NTM: variants seen among roughly 807,000 people sequenced by gnomAD.
The protein encoded by NTM is neurotrimin, also known as IgLON family member 2.
NTM carries 13 observed loss-of-function variants against 42.1 expected under a neutral mutation model. The ratio of observed to expected loss-of-function variants is 0.31; its 90% CI spans 0.20 to 0.49. The LOEUF is 0.49. NTM is among the 20% of genes least tolerant of loss of function. The pLI is 0.99. For synonymous variants in NTM, 187 were observed against 179.2 expected, an observed-to-expected ratio of 1.04 and a Z score of -0.35; for missense variants, 373 against 452.8, an observed-to-expected ratio of 0.82 and a Z score of 1.60.
At chr11:131,741,208 A>G (rs1026437013) in intron 1 of NTM, among the ~76,000 whole-genome samples, 2 of 122,488 alleles carry the variant, frequency 1.6e-5, no homozygotes, top group African/African-American at 6.0e-5. Context: ...AGAGAGAGAG[A>G]TGTTTTTTGG....
intron 1 of NTM, among the ~76,000 whole-genome samples, chr11:131,909,083 A>G (rs2054298766): frequency 6.6e-6 from 1 of 152,208 alleles, no homozygotes; most frequent in Admixed American, 6.5e-5. Context: ...CCCAATGATG[A>G]GTTAATGCAA....
At chr11:131,969,060 G>T (rs184305084) in intron 2 of NTM, among the ~76,000 whole-genome samples, 5 of 152,296 alleles carry the variant, frequency 3.3e-5, no homozygotes, top group Non-Finnish European at 7.4e-5. Context: ...TGCAATTCAA[G>T]ATTAAAAACA....
intron 1 of NTM, among the ~76,000 whole-genome samples, chr11:131,600,859 A>G (rs1402013755): frequency 1.3e-5 from 2 of 150,644 alleles, no homozygotes; most frequent in Non-Finnish European, 2.9e-5. Flanking sequence ...TTTTTTTTCC[A>G]TATGAAACCA....
At chr11:131,812,260 T>G (rs926933356) in intron 1 of NTM, among the ~76,000 whole-genome samples, 7 of 149,304 alleles carry the variant, frequency 4.7e-5, no homozygotes, top group African/African-American at 1.7e-4. Flanking sequence ...TATTTTCTCC[T>G]CTAATGAGGC....
At chr11:131,913,129 G>A (rs748716388) in intron 2 of NTM, among the ~76,000 whole-genome samples, 64 of 152,040 alleles carry the variant, frequency 4.2e-4, no homozygotes, top group Non-Finnish European at 7.2e-4. Flanking sequence ...GGATTTCAGG[G>A]GAGTTACAAA....
chr11:132,309,355 T>C (rs192783746), intron 5 of NTM, among the ~76,000 whole-genome samples: 105 of 152,340 alleles, frequency 6.9e-4, no homozygotes, highest in Admixed American at 1.6e-3. Context: ...CTGATCTGTA[T>C]ATCCTTCAGG....
At chr11:131,869,438 G>C (rs778896162) in intron 1 of NTM, among the ~76,000 whole-genome samples, 1 of 152,202 alleles carries the variant, frequency 6.6e-6, no homozygotes, top group Admixed American at 6.5e-5. Context: ...CAATATAAGA[G>C]TGAAGAAGTT....
intron 1 of NTM, among the ~76,000 whole-genome samples, chr11:131,446,377 C>A (rs1226582134): frequency 6.6e-6 from 1 of 152,190 alleles, no homozygotes; most frequent in Non-Finnish European, 1.5e-5. Context: ...CCCTTCCCAG[C>A]TGTTCTTCTC....
At chr11:131,840,659 G>C (rs1245192166) in intron 1 of NTM, among the ~76,000 whole-genome samples, 1 of 152,184 alleles carries the variant, frequency 6.6e-6, no homozygotes, top group African/African-American at 2.4e-5. Flanking sequence ...TTTTAAAGAA[G>C]TGAAATGACC....
Position 132,307,839 on chromosome 11 carries a change from A to G in NTM, c.661+16A>G, listed in dbSNP as rs779364733. 2.6e-5 allele frequency: 42 copies of G among 1,613,130 alleles called. No individual in the cohort carries two copies. In the Admixed American group the frequency reaches 6.5e-4, roughly 25 times the overall value. ...ACCGTGAACTGTAAGTGTTCTCACC[A>G]CCACGCGCCCTGCACGTGCATCAGG... On this transcript the variant is annotated intron_variant, in intron 5 of 8. Transcript: ENST00000683400.
chr11:131,597,869 C>G (rs1396671861), intron 1 of NTM, among the ~76,000 whole-genome samples: 3 of 151,518 alleles, frequency 2.0e-5, no homozygotes, highest in African/African-American at 7.3e-5. Context: ...AAGAATTCAA[C>G]AGAGTCCTTT....
chr11:131,590,743 G>A (rs2059290334), intron 1 of NTM, among the ~76,000 whole-genome samples: 1 of 152,214 alleles, frequency 6.6e-6, no homozygotes, highest in African/African-American at 2.4e-5. Flanking sequence ...CCATCTTGTA[G>A]GTGAGGTAAC....
chr11:131,646,204 G>A (rs1567082), intron 1 of NTM, among the ~76,000 whole-genome samples: 87,657 of 152,032 alleles, frequency 0.58, 25,762 homozygotes, highest in East Asian at 0.78. Context: ...TAAAAACACA[G>A]CCACACTCAT....
intron 1 of NTM, among the ~76,000 whole-genome samples, chr11:131,643,060 A>C (rs918072933): frequency 1.3e-5 from 2 of 152,092 alleles, no homozygotes; most frequent in Non-Finnish European, 2.9e-5. Flanking sequence ...TGAAAAAAAA[A>C]AAAAACTCAG....
chr11:131,794,246 G>C (rs2091296376), intron 1 of NTM, among the ~76,000 whole-genome samples: 2 of 152,132 alleles, frequency 1.3e-5, no homozygotes, highest in African/African-American at 4.8e-5. Context: ...CACCTCCCCT[G>C]TGAGCAGTCA....
At chr11:131,951,877 G>A (rs2061036485) in intron 2 of NTM, among the ~76,000 whole-genome samples, 2 of 149,572 alleles carry the variant, frequency 1.3e-5, no homozygotes, top group Non-Finnish European at 1.5e-5. Flanking sequence ...CACCTCATAG[G>A]CCACAGAAGA....
intron 2 of NTM, among the ~76,000 whole-genome samples, chr11:132,120,037 C>G (rs1371459435): frequency 1.3e-5 from 2 of 152,212 alleles, no homozygotes; most frequent in African/African-American, 4.8e-5. Context: ...TGGGCATTCT[C>G]TATTGCACGC....
At chr11:131,394,655 C>T (rs1373671236) in intron 1 of NTM, among the ~76,000 whole-genome samples, 2 of 152,136 alleles carry the variant, frequency 1.3e-5, no homozygotes, top group Non-Finnish European at 2.9e-5. Context: ...CACTTCAGGA[C>T]CAACGAAGGC....
At chr11:131,771,839 T>C (rs1263383818) in intron 1 of NTM, among the ~76,000 whole-genome samples, 1 of 152,166 alleles carries the variant, frequency 6.6e-6, no homozygotes, top group Non-Finnish European at 1.5e-5. Context: ...CTATTGGTAG[T>C]AGTGTGAAAT....
Sources: gnomAD v4.1 joint callset for allele counts (sites outside exome capture counted in the v4.1 genomes callset) on GRCh38, gnomAD v4.1.1 for gene constraint, MANE v1.5 for transcripts, NCBI Gene and HGNC (gene_info 2026-07-23, HGNC 2026-07-21) for gene names.